Variants in CDH12 observed in about 807,000 individuals in gnomAD.
CDH12 encodes the protein cadherin 12, also known as cadherin-12.
In CDH12, 41 loss-of-function variants were observed where a neutral mutation model predicts 74.1. The observed-to-expected ratio is 0.55, with a 90% CI of 0.43 to 0.72. The LOEUF (loss-of-function observed/expected upper bound fraction) is 0.72, where lower values mean the gene tolerates loss of function less well. Among genes scored for constraint, CDH12 ranks in the 30% least tolerant of loss-of-function variants. The probability of loss-of-function intolerance (pLI) is 0.00; values close to 1 mark genes in which losing one functional copy is unlikely to be tolerated. For synonymous variants in CDH12, 399 were observed against 355.0 expected (o/e 1.12, Z -1.39); for missense variants, 945 against 977.2 (o/e 0.97, Z 0.44).
chr5:21,882,109 G>A (rs1434631474), intron 6 of CDH12, among the ~76,000 whole-genome samples: 1 of 152,146 alleles, frequency 6.6e-6, no homozygotes. Flanking sequence ...CCAATGTTCA[G>A]GTTTCAGTAA....
chr5:22,003,518 T>C (rs1271396131), intron 5 of CDH12, among the ~76,000 whole-genome samples: 1 of 152,238 alleles, frequency 6.6e-6, no homozygotes, highest in Non-Finnish European at 1.5e-5. Flanking sequence ...ACATTGTTAA[T>C]GGAAATTACG....
intron 1 of CDH12, among the ~76,000 whole-genome samples, chr5:22,690,464 A>T (rs1412106407): frequency 6.6e-6 from 1 of 152,192 alleles, no homozygotes; most frequent in African/African-American, 2.4e-5. Context: ...GTTAGCAAGT[A>T]TTTCATTAAA....
chr5:22,473,867 T>C (rs1746063329), intron 2 of CDH12, among the ~76,000 whole-genome samples: 1 of 152,130 alleles, frequency 6.6e-6, no homozygotes, highest in Non-Finnish European at 1.5e-5. Flanking sequence ...TCAATAACAT[T>C]ATCTCAAAAA....
At chr5:22,240,178 A>G (rs1029840323) in intron 3 of CDH12, among the ~76,000 whole-genome samples, 2 of 152,216 alleles carry the variant, frequency 1.3e-5, no homozygotes, top group African/African-American at 4.8e-5. Context: ...TTAGATGCTT[A>G]TGAAAATGAT....
intron 5 of CDH12, among the ~76,000 whole-genome samples, chr5:21,994,636 C>T (rs1360191852): frequency 6.6e-6 from 1 of 152,166 alleles, no homozygotes; most frequent in Non-Finnish European, 1.5e-5. Context: ...GGTTTTGCTA[C>T]TGCTTCATCA....
intron 3 of CDH12, among the ~76,000 whole-genome samples, chr5:22,386,415 T>TA (rs1318936831): frequency 2.0e-5 from 3 of 152,312 alleles, no homozygotes; most frequent in Admixed American, 1.3e-4. Flanking sequence ...ACTTTTCTAC[T>TA]AAGACATCCT....
chr5:22,696,070 T>C (rs1469328932), intron 1 of CDH12, among the ~76,000 whole-genome samples: 2 of 152,086 alleles, frequency 1.3e-5, no homozygotes, highest in Non-Finnish European at 2.9e-5. Context: ...TGTCCATCCT[T>C]AAAAACATTA....
At chr5:22,373,900 C>T (rs114812753) in intron 3 of CDH12, among the ~76,000 whole-genome samples, 493 of 152,256 alleles carry the variant, frequency 3.2e-3, no homozygotes, top group Non-Finnish European at 5.5e-3. Context: ...GGAAATATGA[C>T]ATCTCTTCAG....
chr5:22,266,340 T>G (rs986880232), intron 3 of CDH12, among the ~76,000 whole-genome samples: 1 of 152,088 alleles, frequency 6.6e-6, no homozygotes, highest in African/African-American at 2.4e-5. Context: ...CCCAAAGTAC[T>G]GGGATTACAG....
chr5:22,258,631 C>T (rs1258782171), intron 3 of CDH12, among the ~76,000 whole-genome samples: 3 of 151,828 alleles, frequency 2.0e-5, no homozygotes, highest in Non-Finnish European at 1.5e-5. Flanking sequence ...GTTCTGCAGG[C>T]TCCATGGATG....
intron 6 of CDH12, among the ~76,000 whole-genome samples, chr5:21,898,388 C>G (rs192939695): frequency 3.9e-5 from 6 of 151,952 alleles, no homozygotes; most frequent in African/African-American, 1.5e-4. Flanking sequence ...TGCACTCAAC[C>G]TAAAATTTCT....
At chr5:21,890,358 A>G (rs764468231) in intron 6 of CDH12, among the ~76,000 whole-genome samples, 71 of 152,114 alleles carry the variant, frequency 4.7e-4, no homozygotes, top group Non-Finnish European at 7.5e-4. Context: ...AGAGTCAATT[A>G]TTTGGTATAA....
chr5:21,814,224 T>C (rs540429066), intron 9 of CDH12, among the ~76,000 whole-genome samples: 1 of 151,894 alleles, frequency 6.6e-6, no homozygotes, highest in Non-Finnish European at 1.5e-5. Flanking sequence ...ATCTACCCTA[T>C]CTAAATCTAT....
chr5:22,191,555 TTTTTATTTTTA>T (rs1319660935), intron 4 of CDH12, among the ~76,000 whole-genome samples: 5 of 5,906 alleles, frequency 8.5e-4, no homozygotes, highest in Admixed American at 5.4e-3. Context: ...ACCAATGGTC[TTTTTATTTTTA>T]TTTTTTTTTT....
rs756517987 is a variant in CDH12 at position 22,017,763 on chromosome 5, CT to C, written c.232-42379del. ...ACTAAAATACCAGTTTCCCTCCATT[CT>C]TTTTTTTTTTTTTTGAGACAGTTTT... On this transcript the variant is annotated intron_variant, in intron 5 of 14. Coordinates refer to ENST00000382254, the MANE Select transcript of CDH12 (RefSeq NM_004061.5). Among the ~76,000 whole-genome samples, 1,012 of 140,156 alleles carry C rather than the reference CT, an allele frequency of 7.2e-3. 3 individuals are homozygous for C. Among genetic ancestry groups the C allele is most frequent in the African/African-American group, 0.014 (522 of 38,488 alleles). 91.9% of individuals were successfully genotyped at this position (140,156 alleles called of 152,430 possible).
intron 4 of CDH12, among the ~76,000 whole-genome samples, chr5:22,211,024 A>C (rs1751503047): frequency 6.6e-6 from 1 of 152,354 alleles, no homozygotes; most frequent in African/African-American, 2.4e-5. Context: ...AGTACACATC[A>C]GCCTTTGGGA....
intron 11 of CDH12, among the ~76,000 whole-genome samples, chr5:21,767,991 AT>A (rs377590199): frequency 2.0e-5 from 3 of 151,864 alleles, no homozygotes; most frequent in African/African-American, 7.2e-5. Context: ...TCTAATGAAT[AT>A]TTGGGGCAGC....
intron 5 of CDH12, among the ~76,000 whole-genome samples, chr5:22,043,583 C>A (rs186013417): frequency 2.2e-3 from 331 of 151,970 alleles, no homozygotes; most frequent in Non-Finnish European, 3.3e-3. Flanking sequence ...GACTGGAAGT[C>A]CTAGCCAGAG....
chr5:22,220,067 T>C (rs943723607), intron 3 of CDH12, among the ~76,000 whole-genome samples: 2 of 151,914 alleles, frequency 1.3e-5, no homozygotes, highest in African/African-American at 4.8e-5. Flanking sequence ...TCCGTAAGGA[T>C]GTTTCTACTA....
Sources: gnomAD v4.1 joint callset for allele counts (sites outside exome capture counted in the v4.1 genomes callset) on GRCh38, gnomAD v4.1.1 for gene constraint, MANE v1.5 for transcripts, NCBI Gene and HGNC (gene_info 2026-07-23, HGNC 2026-07-21) for gene names.